KCNQ1: variants seen among roughly 807,000 people sequenced by gnomAD.
KCNQ1 encodes the protein potassium voltage-gated channel subfamily Q member 1.
A neutral mutation model predicts 72.4 loss-of-function variants in KCNQ1; 49 were observed. That is an observed-to-expected ratio of 0.68 (90% CI 0.54 to 0.86). The LOEUF (loss-of-function observed/expected upper bound fraction) is 0.86, where lower values mean the gene tolerates loss of function less well. KCNQ1 is among the 40% of genes least tolerant of loss of function. The probability of loss-of-function intolerance (pLI) is 0.00; values close to 1 mark genes in which losing one functional copy is unlikely to be tolerated. For synonymous variants in KCNQ1, 450 were observed against 412.6 expected (o/e 1.09, Z -1.10); for missense variants, 790 against 945.1 (o/e 0.84, Z 2.15).
intron 15 of KCNQ1, among the ~76,000 whole-genome samples, chr11:2,792,057 A>C (rs963027940): frequency 1.3e-5 from 2 of 151,260 alleles, no homozygotes; most frequent in Non-Finnish European, 3.0e-5. Context: ...AGCCCTCCCC[A>C]CCCCGTTCCG....
intron 1 of KCNQ1, among the ~76,000 whole-genome samples, chr11:2,519,897 A>T (rs1165575589): frequency 6.6e-6 from 1 of 152,126 alleles, no homozygotes; most frequent in Non-Finnish European, 1.5e-5. Context: ...AGGGGGCCCA[A>T]GTCCAGTGAC....
chr11:2,530,314 A>T (rs1050341575), intron 2 of KCNQ1, among the ~76,000 whole-genome samples: 2 of 152,264 alleles, frequency 1.3e-5, no homozygotes, highest in African/African-American at 4.8e-5. Context: ...TGCCCCGGCC[A>T]ACTGACAGGG....
intron 10 of KCNQ1, among the ~76,000 whole-genome samples, chr11:2,607,573 G>A (rs1269378985): frequency 6.6e-6 from 1 of 152,122 alleles, no homozygotes; most frequent in Non-Finnish European, 1.5e-5. Flanking sequence ...ACCAGAAAGC[G>A]AGTCCTCTCC....
intron 1 of KCNQ1, among the ~76,000 whole-genome samples, chr11:2,490,296 A>G (rs1008661856): frequency 1.3e-5 from 2 of 152,250 alleles, no homozygotes; most frequent in Non-Finnish European, 2.9e-5. Flanking sequence ...GTCTTTGACT[A>G]CAGACCCTTG....
chr11:2,504,698 A>G (rs1436035476), intron 1 of KCNQ1, among the ~76,000 whole-genome samples: 1 of 152,232 alleles, frequency 6.6e-6, no homozygotes, highest in East Asian at 1.9e-4. Context: ...CGGAGGTTGC[A>G]GTGAGCTGAG....
chr11:2,558,863 A>C (rs549920045), intron 2 of KCNQ1, among the ~76,000 whole-genome samples: 1 of 152,266 alleles, frequency 6.6e-6, no homozygotes, highest in African/African-American at 2.4e-5. Context: ...GGCCCCAATG[A>C]TAATGGGCCC....
intron 15 of KCNQ1, among the ~76,000 whole-genome samples, chr11:2,789,276 G>A (rs1177710710): frequency 6.6e-6 from 1 of 152,148 alleles, no homozygotes; most frequent in African/African-American, 2.4e-5. Context: ...ACTAGGAGGT[G>A]GGAATTAATG....
At chr11:2,609,618 T>C (rs986719442) in intron 10 of KCNQ1, 71 of 398,430 alleles carry the variant, frequency 1.8e-4, no homozygotes, top group African/African-American at 1.4e-3. Context: ...GAAAGTGGAG[T>C]GTTGAAGTCT....
At position 2,644,738 on chromosome 11, in the gene KCNQ1, C is replaced by T. The variant is rs187240888; in HGVS notation, c.1394-17223C>T. The stretch of plus-strand genomic sequence containing the variant: ...TTCCTGAAGATATATCTATGGTGTT[C>T]TTTGGGCAGGGCACTTTGGTTTTGA... On this transcript the variant is annotated intron_variant, in intron 10 of 15. Coordinates refer to ENST00000155840, the MANE Select transcript of KCNQ1 (RefSeq NM_000218.3). The T allele has an allele frequency of 1.2e-3, 464 of 398,568 alleles. 2 individuals carry two copies. Among genetic ancestry groups the T allele is most frequent in the African/African-American group, 8.8e-3 (431 of 48,734 alleles). The allele number at this position is 398,568 out of a possible 1,614,324, so 24.7% of individuals were successfully genotyped here. A position where few individuals can be genotyped will look rare whatever the true frequency, so the allele number is the denominator to read the frequency against.
At chr11:2,718,172 G>A (rs925564646) in intron 11 of KCNQ1, among the ~76,000 whole-genome samples, 6 of 152,142 alleles carry the variant, frequency 3.9e-5, no homozygotes, top group Admixed American at 6.5e-5. Context: ...CCCCACTGCA[G>A]CCCAGAGGCC....
In KCNQ1 at chr11:2,721,591, G is replaced by A. The variant is rs1049246985; in HGVS notation, c.1515-47253G>A. ...AGCAGCCTTTGGGAGGCTTTACTCC[G>A]CCTGCAGGGGTGGGAGGCCTCGCGT... On this transcript the variant is annotated intron_variant, in intron 11 of 15. Transcript: ENST00000155840. Among the ~76,000 whole-genome samples, 112 of 152,370 alleles carry A rather than the reference G, an allele frequency of 7.4e-4. 1 individual carries two copies. The highest frequency in any genetic ancestry group is 2.3e-3 in the African/African-American group (97 of 41,598).
chr11:2,590,543 G>A (rs1053962072), intron 10 of KCNQ1, among the ~76,000 whole-genome samples: 9 of 152,238 alleles, frequency 5.9e-5, no homozygotes, highest in Admixed American at 3.3e-4. Flanking sequence ...TCTTCCAGGT[G>A]GTGGGGGGAG....
chr11:2,447,764 C>T lies in KCNQ1; in HGVS notation c.386+2280C>T, dbSNP rs955511085. Reference sequence around the variant, plus strand: ...ATTGTGGTTTCTGGCCTGAAGACGACAAGCCTGGCCTTGAAGAGCCAGGGC... The same window carrying T: ...ATTGTGGTTTCTGGCCTGAAGACGATAAGCCTGGCCTTGAAGAGCCAGGGC... On this transcript the variant is annotated intron_variant, in intron 1 of 15. Transcript: ENST00000155840. The surrounding 1 kb of genome is among the most constrained non-coding windows in gnomAD (Gnocchi z 7.6). Among the ~76,000 whole-genome samples, 11 of 152,208 alleles carry T rather than the reference C, an allele frequency of 7.2e-5. No individual in the cohort carries two copies. Among genetic ancestry groups the T allele is most frequent in the African/African-American group, 2.7e-4 (11 of 41,454 alleles).
In KCNQ1 at chr11:2,725,024, A is replaced by C. The variant is rs781203927; in HGVS notation, c.1515-43820A>C. Among the ~76,000 whole-genome samples the C allele has an allele frequency of 1.3e-3, 197 of 152,200 alleles. No homozygotes were observed. Among genetic ancestry groups the C allele is most frequent in the Non-Finnish European group, 2.2e-3 (150 of 68,042 alleles). ...CCAGGGTCCCTGTCCGTTTAAGAAA[A>C]GCCTGTGGGCCCAATAGAGAAGCAC... On this transcript the variant is annotated intron_variant, in intron 11 of 15. Transcript: ENST00000155840. This position sits in a 1 kb window ranked among gnomAD's most constrained non-coding sequence, Gnocchi z 7.2.
chr11:2,807,210 T>G (rs1311185830), intron 15 of KCNQ1, among the ~76,000 whole-genome samples: 1 of 152,230 alleles, frequency 6.6e-6, no homozygotes, highest in South Asian at 2.1e-4. Context: ...GGGCAAAATA[T>G]TTCATCGAGC....
At chr11:2,770,517 A>G (rs1187361746) in intron 12 of KCNQ1, among the ~76,000 whole-genome samples, 3 of 152,204 alleles carry the variant, frequency 2.0e-5, no homozygotes, top group African/African-American at 7.2e-5. Flanking sequence ...GGGGTTTCGC[A>G]TGCACAGCCC....
intron 11 of KCNQ1, chr11:2,699,256 G>A: frequency 2.5e-6 from 1 of 398,806 alleles, no homozygotes. Flanking sequence ...GTGCAGATGG[G>A]AGCGCACTGC....
chr11:2,539,386 C>A (rs1221208092), intron 2 of KCNQ1, among the ~76,000 whole-genome samples: 2 of 152,210 alleles, frequency 1.3e-5, no homozygotes, highest in African/African-American at 2.4e-5. Context: ...CGCAATCTTT[C>A]CAGAGCATTG....
rs1191233080 is a variant in KCNQ1, at chr11:2,827,113, G to A, written c.1795-20654G>A. 6.6e-6 allele frequency among the ~76,000 whole-genome samples: 1 copy of A among 152,192 alleles called. No individual in the cohort carries two copies. ...GAACAGGCTGGGCTGCAGAGAGGAG[G>A]CCAGGCACAGTCACCTCGTGTTGCT... is the stretch of plus-strand genomic sequence containing the variant. On this transcript the variant is annotated intron_variant, in intron 15 of 15. Transcript: ENST00000155840. This position sits in a 1 kb window ranked among gnomAD's most constrained non-coding sequence, Gnocchi z 6.7.
Sources: gnomAD v4.1 joint callset for allele counts (sites outside exome capture counted in the v4.1 genomes callset) on GRCh38, gnomAD v4.1.1 for gene constraint, Gnocchi (gnomAD v3.1) non-coding constraint, MANE v1.5 for transcripts, NCBI Gene and HGNC (gene_info 2026-07-23, HGNC 2026-07-21) for gene names.